FBXW7: variants seen among roughly 807,000 people sequenced by gnomAD.
FBXW7 encodes the protein F-box/WD repeat-containing protein 7.
In FBXW7, 11 loss-of-function variants were observed where a neutral mutation model predicts 86.3. The ratio of observed to expected loss-of-function variants is 0.13; its 90% CI spans 0.08 to 0.21. The LOEUF (loss-of-function observed/expected upper bound fraction) is 0.21, where lower values mean the gene tolerates loss of function less well. Ranked by LOEUF, FBXW7 falls within the 10% of genes least tolerant of loss-of-function variation. The pLI is 1.00. For missense variants in FBXW7, 488 were observed against 847.4 expected, an observed-to-expected ratio of 0.58 and a Z score of 5.27; for synonymous variants, 313 against 297.9, an observed-to-expected ratio of 1.05 and a Z score of -0.52.
At chr4:152,476,838 CT>C (rs961535304) in intron 2 of FBXW7, among the ~76,000 whole-genome samples, 2 of 152,130 alleles carry the variant, frequency 1.3e-5, no homozygotes, top group African/African-American at 4.8e-5. Context: ...CTGCACTATC[CT>C]TTTGAGGATA....
chr4:152,529,585 A>G (rs1749825865), intron 2 of FBXW7, among the ~76,000 whole-genome samples: 1 of 152,218 alleles, frequency 6.6e-6, no homozygotes, highest in African/African-American at 2.4e-5. Context: ...TATGAAACAA[A>G]TATTTTAATA....
chr4:152,371,426 T>G (rs955971667), intron 4 of FBXW7, among the ~76,000 whole-genome samples: 12 of 151,956 alleles, frequency 7.9e-5, no homozygotes, highest in African/African-American at 2.9e-4. Context: ...GGAATCCTAT[T>G]TATCATTTCA....
chr4:152,477,804 GT>G (rs1744546747), intron 2 of FBXW7, among the ~76,000 whole-genome samples: 1 of 152,060 alleles, frequency 6.6e-6, no homozygotes, highest in Non-Finnish European at 1.5e-5. Context: ...AGCAGAAAGT[GT>G]TTTTTAATCT....
At chr4:152,449,117 A>C (rs995823683) in intron 2 of FBXW7, among the ~76,000 whole-genome samples, 15 of 152,228 alleles carry the variant, frequency 9.9e-5, no homozygotes, top group African/African-American at 3.4e-4. Flanking sequence ...AACAGGGAGC[A>C]AATTACTGGA....
intron 6 of FBXW7, among the ~76,000 whole-genome samples, chr4:152,346,543 A>G (rs1731282279): frequency 6.6e-6 from 1 of 152,158 alleles, no homozygotes; most frequent in South Asian, 2.1e-4. Context: ...AGCACATAAC[A>G]TTCACCATTT....
chr4:152,439,740 C>G (rs1034057542), intron 2 of FBXW7, among the ~76,000 whole-genome samples: 2 of 151,926 alleles, frequency 1.3e-5, no homozygotes, highest in African/African-American at 2.4e-5. Context: ...GTGGCAGGCA[C>G]CTGTAGTCCC....
At chr4:152,367,668 G>A (rs893166240) in intron 4 of FBXW7, among the ~76,000 whole-genome samples, 4 of 151,974 alleles carry the variant, frequency 2.6e-5, no homozygotes, top group South Asian at 2.1e-4. Flanking sequence ...AACATTCCTC[G>A]ACTTAATCTT....
chr4:152,452,754 A>AT (rs940376077), intron 2 of FBXW7, among the ~76,000 whole-genome samples: 4 of 152,134 alleles, frequency 2.6e-5, no homozygotes, highest in East Asian at 1.9e-4. Flanking sequence ...GTTTTAAGTA[A>AT]TTTTTTTTCC....
chr4:152,322,730 T>C lies in FBXW7; in HGVS notation c.*151A>G, dbSNP rs1728654870. The C allele has an allele frequency of 1.6e-6, 2 of 1,252,648 alleles. No individual in the cohort carries two copies. The highest frequency in any genetic ancestry group is 2.2e-6 in the Non-Finnish European group (2 of 926,876). The allele number at this position is 1,252,648 out of a possible 1,614,324, so 77.6% of individuals were successfully genotyped here. On this transcript the variant is annotated 3_prime_UTR_variant, in exon 14 of 14. Coordinates refer to ENST00000281708, the MANE Select transcript of FBXW7 (RefSeq NM_001349798.2). ...TCTTCTTCTTTTCCTTCTTAGTCTG[T>C]AGGTCTTTTCAATCTGTTGCCCCAA...
chr4:152,495,365 C>T (rs1436663928), intron 2 of FBXW7, among the ~76,000 whole-genome samples: 5 of 152,044 alleles, frequency 3.3e-5, no homozygotes, highest in African/African-American at 9.7e-5. Context: ...CGCTTGAAAC[C>T]GGGAGACAGA....
chr4:152,518,081 C>G (rs1392316629), intron 2 of FBXW7, among the ~76,000 whole-genome samples: 2 of 152,088 alleles, frequency 1.3e-5, no homozygotes, highest in Non-Finnish European at 2.9e-5. Context: ...CTCCACCACC[C>G]GGGTTCAAGC....
intron 2 of FBXW7, among the ~76,000 whole-genome samples, chr4:152,475,727 T>C (rs1212227062): frequency 6.6e-6 from 1 of 152,052 alleles, no homozygotes; most frequent in Non-Finnish European, 1.5e-5. Context: ...AGTTAGTACA[T>C]CAAAAATTTT....
chr4:152,520,851 T>C (rs1314006447), intron 2 of FBXW7, among the ~76,000 whole-genome samples: 1 of 152,224 alleles, frequency 6.6e-6, no homozygotes, highest in East Asian at 1.9e-4. Flanking sequence ...ACTTCTAGGA[T>C]ATGCTTTCTA....
chr4:152,424,391 T>C (rs1319629917), intron 2 of FBXW7, among the ~76,000 whole-genome samples: 1 of 152,212 alleles, frequency 6.6e-6, no homozygotes, highest in Admixed American at 6.5e-5. Context: ...GAATATATTA[T>C]GCCTTGACAT....
intron 2 of FBXW7, among the ~76,000 whole-genome samples, chr4:152,472,737 A>G (rs1744069369): frequency 6.6e-6 from 1 of 152,214 alleles, no homozygotes; most frequent in Non-Finnish European, 1.5e-5. Context: ...GTTCATCAAT[A>G]TAAAAAGCTC....
chr4:152,507,196 G>A (rs978678323), intron 2 of FBXW7, among the ~76,000 whole-genome samples: 3 of 152,088 alleles, frequency 2.0e-5, no homozygotes, highest in Admixed American at 2.0e-4. Context: ...CTGGATGGAT[G>A]GCAAATGACC....
chr4:152,445,654 T>A (rs925967101), intron 2 of FBXW7, among the ~76,000 whole-genome samples: 3 of 152,088 alleles, frequency 2.0e-5, no homozygotes, highest in Non-Finnish European at 4.4e-5. Context: ...ACACCTGTAA[T>A]CCCAACACCT....
chr4:152,481,103 T>C (rs1305297346), intron 2 of FBXW7, among the ~76,000 whole-genome samples: 1 of 152,178 alleles, frequency 6.6e-6, no homozygotes, highest in African/African-American at 2.4e-5. Flanking sequence ...CTTCAAAGGA[T>C]AGGCTGACTC....
chr4:152,515,415 A>G (rs956749244), intron 2 of FBXW7, among the ~76,000 whole-genome samples: 1 of 152,212 alleles, frequency 6.6e-6, no homozygotes, highest in Non-Finnish European at 1.5e-5. Flanking sequence ...TATATAAATT[A>G]TATCTCAATA....
Sources: gnomAD v4.1 joint callset for allele counts (sites outside exome capture counted in the v4.1 genomes callset) on GRCh38, gnomAD v4.1.1 for gene constraint, MANE v1.5 for transcripts, NCBI Gene and HGNC (gene_info 2026-07-23, HGNC 2026-07-21) for gene names.